TMEM167A: variants seen among roughly 807,000 people sequenced by gnomAD.
The protein encoded by TMEM167A is protein kish-A.
In TMEM167A, 8 loss-of-function variants were observed where a neutral mutation model predicts 11.6. That is an observed-to-expected ratio of 0.69 (90% CI 0.40 to 1.24). TMEM167A has a LOEUF of 1.24. Ranked by LOEUF, TMEM167A falls within the 50% of genes most tolerant of loss-of-function variation. TMEM167A has a pLI of 0.01. For missense variants in TMEM167A, 62 were observed against 87.0 expected, an observed-to-expected ratio of 0.71 and a Z score of 1.14; for synonymous variants, 22 against 28.0, an observed-to-expected ratio of 0.79 and a Z score of 0.67.
At chr5:83,067,583 C>T (rs929244246) in intron 1 of TMEM167A, among the ~76,000 whole-genome samples, 1 of 152,114 alleles carries the variant, frequency 6.6e-6, no homozygotes, top group Non-Finnish European at 1.5e-5. Flanking sequence ...TGGCTCACTG[C>T]AACCTCCACC....
chr5:83,057,149 G>C lies in TMEM167A; in HGVS notation c.154C>G (p.Arg52Gly). Reference protein sequence around the residue: ...IFWKCARIGERKSPYVAVCCI... With the variant: ...IFWKCARIGEGKSPYVAVCCI... ...CATACTGCAACATAAGGACTCTTCC[G>C]TTCACCTGTTGAAAAAAAGGAGATG... Residue 52 changes from arginine (R) to glycine (G), a missense_variant, in exon 4 of 4, where the codon CGG becomes GGG. Coordinates refer to ENST00000502346, the MANE Select transcript of TMEM167A (RefSeq NM_174909.5). 6.2e-7 allele frequency: 1 copy of C among 1,611,634 alleles called. No individual in the cohort carries two copies. The highest frequency in any genetic ancestry group is 8.5e-7 in the Non-Finnish European group (1 of 1,178,632).
chr5:83,066,055 A>T (rs1744476720), intron 1 of TMEM167A, among the ~76,000 whole-genome samples: 1 of 152,330 alleles, frequency 6.6e-6, no homozygotes, highest in Admixed American at 6.5e-5. Flanking sequence ...CATTGTTATC[A>T]GATTATCAGA....
chr5:83,073,855 T>A (rs998204307), intron 1 of TMEM167A, among the ~76,000 whole-genome samples: 3 of 152,230 alleles, frequency 2.0e-5, no homozygotes, highest in Non-Finnish European at 2.9e-5. Flanking sequence ...CACCCTTCAT[T>A]AAGTATCTTC....
At chr5:83,065,587 A>G (rs6860752) in intron 1 of TMEM167A, among the ~76,000 whole-genome samples, 73,839 of 151,850 alleles carry the variant, frequency 0.49, 18,599 homozygotes, top group African/African-American at 0.59. Context: ...TCCAAAATCA[A>G]AATTTTTTGA....
rs987906002 is a variant in TMEM167A, at chr5:83,056,946, A to C, written c.*138T>G. The C allele has an allele frequency of 1.3e-6, 1 of 773,036 alleles. No individual in the cohort carries two copies. The highest frequency in any genetic ancestry group is 1.7e-5 in the African/African-American group (1 of 57,366). 47.9% of individuals were successfully genotyped at this position (773,036 alleles called of 1,614,324 possible). On this transcript the variant is annotated 3_prime_UTR_variant, in exon 4 of 4. Transcript: ENST00000502346. ...AGAACATTGGTCCAATAACATTAAA[A>C]TAGAGAACAGCATCTGGAAATTTAT... is the stretch of plus-strand genomic sequence containing the variant.
intron 3 of TMEM167A, among the ~76,000 whole-genome samples, chr5:83,061,127 C>T (rs1218110783): frequency 6.6e-6 from 1 of 151,992 alleles, no homozygotes; most frequent in Non-Finnish European, 1.5e-5. Flanking sequence ...CACATGGGTT[C>T]AATAGACAAA....
At chr5:83,060,201 T>C (rs1468716854) in intron 3 of TMEM167A, among the ~76,000 whole-genome samples, 1 of 148,066 alleles carries the variant, frequency 6.8e-6, no homozygotes, top group Non-Finnish European at 1.5e-5. Context: ...GTTTATCTAA[T>C]GGAGATGCCT....
chr5:83,065,610 T>C (rs1744470557), intron 1 of TMEM167A, among the ~76,000 whole-genome samples: 1 of 151,900 alleles, frequency 6.6e-6, no homozygotes, highest in African/African-American at 2.4e-5. Context: ...GCCAAAATGA[T>C]GCTAAAAAAA....
intron 1 of TMEM167A, chr5:83,071,341 T>C (rs767950044): frequency 3.3e-5 from 5 of 152,152 alleles, no homozygotes; most frequent in Admixed American, 6.5e-5. Context: ...ATAGTAACAA[T>C]TTTACTTGTA....
intron 1 of TMEM167A, among the ~76,000 whole-genome samples, chr5:83,065,876 G>T (rs568766067): frequency 6.6e-6 from 1 of 152,124 alleles, no homozygotes; most frequent in African/African-American, 2.4e-5. Flanking sequence ...TCCAGTTAAA[G>T]TAAATGGAGG....
chr5:83,067,095 T>C (rs1392913512), intron 1 of TMEM167A, among the ~76,000 whole-genome samples: 1 of 152,180 alleles, frequency 6.6e-6, no homozygotes, highest in East Asian at 1.9e-4. Flanking sequence ...AGAAACCTGG[T>C]ATGCCAGATT....
In TMEM167A at chr5:83,054,387, A is replaced by T. The variant is rs1744299492; in HGVS notation, c.*2697T>A. On this transcript the variant is annotated 3_prime_UTR_variant, in exon 4 of 4. Transcript: ENST00000502346. ...CACAGCTGAAGCCAATCCAGAACTA[A>T]ACATCAGCACACAAAAAATACCAGG... 2 of 151,948 alleles carry T rather than the reference A, an allele frequency of 1.3e-5. No individual in the cohort carries two copies. The highest frequency in any genetic ancestry group is 4.8e-5 in the African/African-American group (2 of 41,408). The allele number at this position is 151,948 out of a possible 1,614,324, so 9.4% of individuals were successfully genotyped here.
rs1580182284 is a variant in TMEM167A at position 83,077,267 on chromosome 5, G to T, written c.3+54C>A. On this transcript the variant is annotated intron_variant, in intron 1 of 3. Transcript: ENST00000502346. ...CCGCACAAACTCCAGCCCTAGTCTA[G>T]ATCCACAACCCCTTCTCGAAGATCA... 4.3e-6 allele frequency: 7 copies of T among 1,613,956 alleles called. No individual in the cohort carries two copies. In the East Asian group the frequency reaches 1.6e-4, roughly 36 times the overall value.
chr5:83,065,147 A>G, intron 1 of TMEM167A, 30 bp from the exon 2 acceptor site: 4 of 1,391,218 alleles, frequency 2.9e-6, no homozygotes, highest in Non-Finnish European at 4.0e-6. Flanking sequence ...AGAAAAATTA[A>G]TATCAAGAAA....
intron 3 of TMEM167A, among the ~76,000 whole-genome samples, chr5:83,059,249 C>T (rs1430385656): frequency 6.6e-6 from 1 of 150,844 alleles, no homozygotes; most frequent in African/African-American, 2.4e-5. Flanking sequence ...AAGAAAGATA[C>T]AAACTAGACA....
intron 1 of TMEM167A, among the ~76,000 whole-genome samples, chr5:83,073,809 A>G (rs1744598170): frequency 1.3e-5 from 2 of 152,202 alleles, no homozygotes; most frequent in African/African-American, 4.8e-5. Flanking sequence ...TTTCTTTCCC[A>G]TCCAATAAAT....
rs76339848 is a variant in TMEM167A, at chr5:83,071,082, T to A, written c.4-5965A>T. Among the ~76,000 whole-genome samples the A allele has an allele frequency of 1.6e-3, 248 of 152,278 alleles. 1 individual carries two copies. Among genetic ancestry groups the A allele is most frequent in the African/African-American group, 5.7e-3 (235 of 41,570 alleles). ...GTGGCTAGAGTGCTTAATGACTGGT[T>A]ATTAAGCATACTTAATCTGCAGAAA... is the stretch of plus-strand genomic sequence containing the variant. On this transcript the variant is annotated intron_variant, in intron 1 of 3. Transcript: ENST00000502346.
intron 2 of TMEM167A, among the ~76,000 whole-genome samples, chr5:83,062,445 C>T (rs557301235): frequency 2.4e-4 from 37 of 152,052 alleles, no homozygotes; most frequent in Non-Finnish European, 1.2e-4. Context: ...AAAAATGTGC[C>T]TATATTTTCA....
intron 1 of TMEM167A, among the ~76,000 whole-genome samples, chr5:83,074,018 C>A (rs1002064261): frequency 6.6e-6 from 1 of 152,188 alleles, no homozygotes; most frequent in African/African-American, 2.4e-5. Flanking sequence ...TATGTTGTTA[C>A]CAGTTGGTTT....
Sources: allele counts gnomAD v4.1 joint callset (sites outside exome capture counted in the v4.1 genomes callset), GRCh38; gene constraint gnomAD v4.1.1; transcripts MANE v1.5; gene names NCBI Gene and HGNC (gene_info 2026-07-23, HGNC 2026-07-21).